MFHAS1: variants seen among roughly 807,000 people sequenced by gnomAD.
MFHAS1 encodes the protein malignant fibrous histiocytoma-amplified sequence 1.
A neutral mutation model predicts 70.4 loss-of-function variants in MFHAS1; 50 were observed. The observed-to-expected ratio is 0.71, with a 90% CI of 0.57 to 0.90. The LOEUF is 0.90. Among genes scored for constraint, MFHAS1 ranks in the 40% least tolerant of loss-of-function variants. The probability of loss-of-function intolerance (pLI) is 0.00; values close to 1 mark genes in which losing one functional copy is unlikely to be tolerated. For missense variants in MFHAS1, 1,795 were observed against 1,347.6 expected (o/e 1.33, Z -5.20); for synonymous variants, 952 against 620.0 (o/e 1.54, Z -7.96).
chr8:8,833,961 A>G (rs1231630178), intron 1 of MFHAS1, among the ~76,000 whole-genome samples: 4 of 152,132 alleles, frequency 2.6e-5, no homozygotes, highest in Admixed American at 2.6e-4. Flanking sequence ...CCCCGTCTCT[A>G]CTAAAAATAC....
At chr8:8,879,806 C>G (rs991339796) in intron 1 of MFHAS1, among the ~76,000 whole-genome samples, 4 of 152,206 alleles carry the variant, frequency 2.6e-5, no homozygotes, top group Admixed American at 1.3e-4. Context: ...TCAGTACAAA[C>G]TTCTGTATAG....
Position 8,785,874 on chromosome 8 carries a change from G to A in MFHAS1, c.*148C>T. ...CCACCCCCTCCCCACCTCTTCCCCA[G>A]TCGTCCAAAAAGCACCCTGCAAGCA... is the stretch of plus-strand genomic sequence containing the variant. On this transcript the variant is annotated 3_prime_UTR_variant, in exon 3 of 3. Transcript: ENST00000276282. 2.0e-5 allele frequency: 7 copies of A among 351,900 alleles called. No individual in the cohort carries two copies. The highest frequency in any genetic ancestry group is 5.0e-5 in the South Asian group (2 of 40,378). The allele number at this position is 351,900 out of a possible 1,614,324, so 21.8% of individuals were successfully genotyped here.
In MFHAS1 at chr8:8,843,246, C is replaced by T. The variant is rs570430983; in HGVS notation, c.2999-45755G>A. 8.2e-5 allele frequency among the ~76,000 whole-genome samples: 12 copies of T among 146,294 alleles called. No homozygotes were observed. The East Asian group carries it at 1.6e-3, about 19-fold the overall frequency. On this transcript the variant is annotated intron_variant, in intron 1 of 2. Coordinates refer to ENST00000276282, the MANE Select transcript of MFHAS1 (RefSeq NM_004225.3). Reference sequence around the variant, plus strand: ...ATTGCGCCACTGCAGTCCGCAGTCCCGCCTGGGCGACAGAGCGAGACTCCG... The same window carrying T: ...ATTGCGCCACTGCAGTCCGCAGTCCTGCCTGGGCGACAGAGCGAGACTCCG...
At chr8:8,871,513 G>T (rs974092293) in intron 1 of MFHAS1, among the ~76,000 whole-genome samples, 15 of 152,184 alleles carry the variant, frequency 9.9e-5, no homozygotes, top group African/African-American at 3.6e-4. Context: ...TCACTCCACT[G>T]CACTCCAGCC....
At chr8:8,862,859 A>G (rs1563209471) in intron 1 of MFHAS1, among the ~76,000 whole-genome samples, 1 of 152,164 alleles carries the variant, frequency 6.6e-6, no homozygotes, top group African/African-American at 2.4e-5. Context: ...CTTCTGTGCA[A>G]TTTTGCTGTG....
chr8:8,893,046 C>T lies in MFHAS1; in HGVS notation c.13G>A (p.Asp5Asn). The change falls in exon 1 of 3, where the codon GAC becomes AAC. Residue 5 changes from aspartate to asparagine, a missense_variant. Asp to Asn is a conservative substitution (Grantham distance 23, BLOSUM62 1). Coordinates refer to ENST00000276282, the MANE Select transcript of MFHAS1 (RefSeq NM_004225.3). MAGM[D>N]SGNLKTARLW... is the part of the protein sequence containing the mutation. ...CTCGCGGTCTTCAGGTTGCCACTGT[C>T]CATCCCAGCCATGGCGGGGCCCCGG... The T allele has an allele frequency of 6.6e-7, 1 of 1,505,094 alleles. No individual in the cohort carries two copies. Among genetic ancestry groups the T allele is most frequent in the Non-Finnish European group, 8.8e-7 (1 of 1,133,832 alleles). The allele number at this position is 1,505,094 out of a possible 1,614,324, so 93.2% of individuals were successfully genotyped here. A position where few individuals can be genotyped will look rare whatever the true frequency, so the allele number is the denominator to read the frequency against.
At chr8:8,832,580 G>C (rs73504222) in intron 1 of MFHAS1, among the ~76,000 whole-genome samples, 1 of 149,352 alleles carries the variant, frequency 6.7e-6, no homozygotes, top group African/African-American at 2.5e-5. Context: ...TAAAATGACT[G>C]ACAATACCAA....
chr8:8,828,518 C>A (rs1055026659), intron 1 of MFHAS1, among the ~76,000 whole-genome samples: 2 of 152,146 alleles, frequency 1.3e-5, no homozygotes, highest in African/African-American at 4.8e-5. Flanking sequence ...ACAGCCCGGG[C>A]CCTAGTCCAC....
At position 8,785,261 on chromosome 8, in the gene MFHAS1, T is replaced by C. The variant is rs1156308800; in HGVS notation, c.*761A>G. On this transcript the variant is annotated 3_prime_UTR_variant, in exon 3 of 3. Transcript: ENST00000276282. ...GATTTCCCACCAGCGTGCCAGATGA[T>C]TTATATAGGCAGGGACCTTCATTGA... 5 of 152,204 alleles carry C rather than the reference T, an allele frequency of 3.3e-5. No individual in the cohort carries two copies. The highest frequency in any genetic ancestry group is 1.2e-4 in the African/African-American group (5 of 41,508). 9.4% of individuals were successfully genotyped at this position (152,204 alleles called of 1,614,324 possible). A position where few individuals can be genotyped will look rare whatever the true frequency, so the allele number is the denominator to read the frequency against.
chr8:8,787,731 C>T (rs1470787288), intron 2 of MFHAS1, among the ~76,000 whole-genome samples: 1 of 152,210 alleles, frequency 6.6e-6, no homozygotes, highest in Non-Finnish European at 1.5e-5. Flanking sequence ...TTTGGGTTCA[C>T]GTGGGAGATG....
At chr8:8,873,720 C>A (rs187496722) in intron 1 of MFHAS1, among the ~76,000 whole-genome samples, 1 of 152,084 alleles carries the variant, frequency 6.6e-6, no homozygotes, top group African/African-American at 2.4e-5. Flanking sequence ...AAAACAACCA[C>A]GCAGCGCGGG....
intron 1 of MFHAS1, among the ~76,000 whole-genome samples, chr8:8,862,578 G>A (rs912988476): frequency 2.0e-5 from 3 of 152,074 alleles, no homozygotes; most frequent in African/African-American, 7.2e-5. Flanking sequence ...AGGGGGTGGA[G>A]GTGATGAACA....
chr8:8,810,215 A>C lies in MFHAS1; in HGVS notation c.2999-12724T>G, dbSNP rs941587026. ...AACCTCATCCTACTAAAAATACAAA[A>C]ATTAGCCAGGCATGGTGGTGGGCAC... On this transcript the variant is annotated intron_variant, in intron 1 of 2. Coordinates refer to ENST00000276282, the MANE Select transcript of MFHAS1 (RefSeq NM_004225.3). Among the ~76,000 whole-genome samples, 61 of 152,222 alleles carry C rather than the reference A, an allele frequency of 4.0e-4. 1 individual carries two copies. Among genetic ancestry groups the C allele is most frequent in the Non-Finnish European group, 1.8e-4 (12 of 68,010 alleles).
At chr8:8,788,379 A>C (rs193065528) in intron 2 of MFHAS1, among the ~76,000 whole-genome samples, 1 of 152,312 alleles carries the variant, frequency 6.6e-6, no homozygotes, top group African/African-American at 2.4e-5. Flanking sequence ...AAAGAGGTAT[A>C]TAAAAAGTAC....
chr8:8,842,493 G>A (rs190838411), intron 1 of MFHAS1, among the ~76,000 whole-genome samples: 29 of 152,122 alleles, frequency 1.9e-4, no homozygotes, highest in African/African-American at 5.1e-4. Context: ...CCGACCCCAC[G>A]TCTGATTTTG....
intron 1 of MFHAS1, among the ~76,000 whole-genome samples, chr8:8,864,946 G>A (rs1224335127): frequency 2.6e-5 from 4 of 152,092 alleles, no homozygotes; most frequent in East Asian, 1.9e-4. Flanking sequence ...ACTAGAAAGG[G>A]TATCTAGTTT....
chr8:8,881,514 C>T (rs1809522735), intron 1 of MFHAS1, among the ~76,000 whole-genome samples: 1 of 152,194 alleles, frequency 6.6e-6, no homozygotes, highest in Admixed American at 6.5e-5. Context: ...CATCAGACCT[C>T]ACGCTCCTCA....
intron 1 of MFHAS1, among the ~76,000 whole-genome samples, chr8:8,840,694 C>A (rs949812817): frequency 1.3e-5 from 2 of 152,106 alleles, no homozygotes; most frequent in Non-Finnish European, 2.9e-5. Flanking sequence ...GGAACAAGTC[C>A]ATTAGTTAGA....
intron 1 of MFHAS1, among the ~76,000 whole-genome samples, chr8:8,831,984 A>C (rs1229138954): frequency 6.6e-6 from 1 of 152,026 alleles, no homozygotes; most frequent in Admixed American, 6.6e-5. Flanking sequence ...AATGGTGCTA[A>C]AACAACTGGA....
Sources: allele counts gnomAD v4.1 joint callset (sites outside exome capture counted in the v4.1 genomes callset), GRCh38; gene constraint gnomAD v4.1.1; transcripts MANE v1.5; gene names NCBI Gene and HGNC (gene_info 2026-07-23, HGNC 2026-07-21).